The following NAALADL2 variants were observed in gnomAD, a reference collection of about 807,000 sequenced individuals.
NAALADL2 encodes inactive N-acetylated-alpha-linked acidic dipeptidase-like protein 2.
NAALADL2 carries 76 observed loss-of-function variants against 87.2 expected under a neutral mutation model. That is an observed-to-expected ratio of 0.87 (90% CI 0.72 to 1.05). NAALADL2 has a LOEUF of 1.05. Ranked by LOEUF, NAALADL2 falls within the 50% of genes least tolerant of loss-of-function variation. The pLI is 0.00. For synonymous variants in NAALADL2, 354 were observed against 331.0 expected, an observed-to-expected ratio of 1.07 and a Z score of -0.75; for missense variants, 1,089 against 945.8, an observed-to-expected ratio of 1.15 and a Z score of -1.99.
intron 1 of NAALADL2, among the ~76,000 whole-genome samples, chr3:174,910,528 A>C (rs1293044232): frequency 6.6e-6 from 1 of 152,046 alleles, no homozygotes; most frequent in African/African-American, 2.4e-5. Flanking sequence ...TATTTAGTGA[A>C]TGGTGAGGTA....
intron 9 of NAALADL2, among the ~76,000 whole-genome samples, chr3:175,487,283 G>C (rs542029436): frequency 6.6e-6 from 1 of 152,066 alleles, no homozygotes; most frequent in South Asian, 2.1e-4. Context: ...ATCATAGCAC[G>C]TATAATATTC....
intron 1 of NAALADL2, among the ~76,000 whole-genome samples, chr3:174,490,528 TG>T (rs1483868684): frequency 6.6e-6 from 1 of 152,140 alleles, no homozygotes; most frequent in Non-Finnish European, 1.5e-5. Flanking sequence ...AGACTTTTAA[TG>T]GGTGAATTGT....
At chr3:174,800,388 C>G (rs1020919975) in intron 3 of NAALADL2, among the ~76,000 whole-genome samples, 10 of 152,254 alleles carry the variant, frequency 6.6e-5, no homozygotes, top group African/African-American at 2.4e-4. Context: ...GTGGAAGCAC[C>G]AAGCCTTGGC....
At chr3:174,499,138 A>G (rs1241052636) in intron 1 of NAALADL2, among the ~76,000 whole-genome samples, 1 of 152,036 alleles carries the variant, frequency 6.6e-6, no homozygotes, top group Admixed American at 6.5e-5. Flanking sequence ...ATTTGGTACT[A>G]TTTGTGGTTT....
chr3:175,187,226 C>T (rs996160022), intron 2 of NAALADL2, among the ~76,000 whole-genome samples: 14 of 152,050 alleles, frequency 9.2e-5, no homozygotes, highest in Non-Finnish European at 1.9e-4. Flanking sequence ...AAACATCTAC[C>T]ATGCTTCTTA....
intron 1 of NAALADL2, among the ~76,000 whole-genome samples, chr3:175,002,230 G>T (rs368199129): frequency 5.0e-4 from 76 of 152,054 alleles, no homozygotes; most frequent in Non-Finnish European, 1.0e-3. Flanking sequence ...TACCCCTATG[G>T]GTAACAGTGT....
intron 1 of NAALADL2, among the ~76,000 whole-genome samples, chr3:174,529,998 A>G (rs548334103): frequency 6.6e-6 from 1 of 152,232 alleles, no homozygotes; most frequent in East Asian, 1.9e-4. Flanking sequence ...ACTTAACACA[A>G]ATTTCTGCAG....
At chr3:174,850,696 C>T (rs1193300910) in intron 3 of NAALADL2, among the ~76,000 whole-genome samples, 1 of 152,094 alleles carries the variant, frequency 6.6e-6, no homozygotes, top group East Asian at 1.9e-4. Context: ...ATTTTCAGCA[C>T]TGGACATATC....
chr3:174,863,247 G>A (rs1726722479), intron 1 of NAALADL2, among the ~76,000 whole-genome samples: 1 of 152,054 alleles, frequency 6.6e-6, no homozygotes, highest in Non-Finnish European at 1.5e-5. Context: ...GAAGAATTTG[G>A]TGCATTATTT....
chr3:174,947,625 A>G (rs978530170), intron 1 of NAALADL2, among the ~76,000 whole-genome samples: 8 of 151,908 alleles, frequency 5.3e-5, no homozygotes, highest in South Asian at 2.1e-4. Flanking sequence ...TATTCTTGGG[A>G]AAAAAAACAC....
At chr3:175,508,104 G>A (rs1295890027) in intron 9 of NAALADL2, among the ~76,000 whole-genome samples, 1 of 152,166 alleles carries the variant, frequency 6.6e-6, no homozygotes, top group East Asian at 1.9e-4. Context: ...GAGTGGGGCA[G>A]AGGTGCCATA....
At chr3:175,010,902 A>G (rs553516692) in intron 1 of NAALADL2, among the ~76,000 whole-genome samples, 2 of 152,240 alleles carry the variant, frequency 1.3e-5, no homozygotes, top group Admixed American at 1.3e-4. Context: ...TCTCACATAT[A>G]ATCTACATGA....
chr3:174,554,334 C>T (rs1421450517), intron 2 of NAALADL2, among the ~76,000 whole-genome samples: 1 of 151,804 alleles, frequency 6.6e-6, no homozygotes, highest in East Asian at 1.9e-4. Flanking sequence ...TCATTTATAA[C>T]AGTTTAATGG....
At chr3:174,890,619 C>T (rs1326634057) in intron 1 of NAALADL2, among the ~76,000 whole-genome samples, 2 of 152,002 alleles carry the variant, frequency 1.3e-5, no homozygotes, top group African/African-American at 4.8e-5. Context: ...ACAAATTGCC[C>T]AGTGTGGCAA....
intron 1 of NAALADL2, among the ~76,000 whole-genome samples, chr3:174,909,063 A>G (rs1342535791): frequency 6.6e-6 from 1 of 152,034 alleles, no homozygotes; most frequent in Non-Finnish European, 1.5e-5. Flanking sequence ...AACTGAATTC[A>G]CAGTAGCTAA....
At chr3:174,856,789 G>C (rs1172810534), upstream of NAALADL2, among the ~76,000 whole-genome samples, 2 of 148,174 alleles carry the variant, frequency 1.3e-5, no homozygotes, top group Non-Finnish European at 3.0e-5. Flanking sequence ...GTAAAATTGT[G>C]AAGAAGGAAA....
chr3:175,201,000 C>T (rs1326877037), intron 2 of NAALADL2, among the ~76,000 whole-genome samples: 1 of 152,148 alleles, frequency 6.6e-6, no homozygotes, highest in Non-Finnish European at 1.5e-5. Flanking sequence ...AGCACCTCTT[C>T]CATGGAAATC....
intron 2 of NAALADL2, among the ~76,000 whole-genome samples, chr3:175,181,779 G>GTGTATA (rs1560129230): frequency 1.4e-5 from 2 of 140,192 alleles, no homozygotes; most frequent in Non-Finnish European, 3.1e-5. Flanking sequence ...GTGTATATAT[G>GTGTATA]TATATATATG....
intron 1 of NAALADL2, among the ~76,000 whole-genome samples, chr3:175,067,498 A>G (rs1422995953): frequency 6.6e-6 from 1 of 152,158 alleles, no homozygotes; most frequent in Admixed American, 6.6e-5. Context: ...ACAATGCTCA[A>G]CATCACTGAT....
Sources: gnomAD v4.1 joint callset for allele counts (sites outside exome capture counted in the v4.1 genomes callset) on GRCh38, gnomAD v4.1.1 for gene constraint, MANE v1.5 for transcripts, NCBI Gene and HGNC (gene_info 2026-07-23, HGNC 2026-07-21) for gene names.